The following NRXN3 variants were observed in gnomAD, a reference collection of about 807,000 sequenced individuals.
NRXN3 encodes the protein neurexin III.
Under a neutral mutation model 137.6 loss-of-function variants are expected in NRXN3, and 32 were observed. That is an observed-to-expected ratio of 0.23 (90% CI 0.18 to 0.31). NRXN3 has a LOEUF of 0.31. Among genes scored for constraint, NRXN3 ranks in the 10% least tolerant of loss-of-function variants. The probability of loss-of-function intolerance (pLI) is 1.00; values close to 1 mark genes in which losing one functional copy is unlikely to be tolerated. For synonymous variants in NRXN3, 798 were observed against 784.5 expected (o/e 1.02, Z -0.29); for missense variants, 1,574 against 2,062.5 (o/e 0.76, Z 4.59).
chr14:79,704,934 A>G (rs1348239417), intron 19 of NRXN3, among the ~76,000 whole-genome samples: 1 of 152,136 alleles, frequency 6.6e-6, no homozygotes, highest in African/African-American at 2.4e-5. Flanking sequence ...GGCAAGTGAA[A>G]AGAGTGCAGT....
chr14:78,392,603 G>A (rs2090918042), intron 4 of NRXN3, among the ~76,000 whole-genome samples: 1 of 152,118 alleles, frequency 6.6e-6, no homozygotes, highest in Non-Finnish European at 1.5e-5. Context: ...AAATGAGGAT[G>A]ATAATAGCAT....
At chr14:79,435,377 T>C (rs1349388344) in intron 15 of NRXN3, among the ~76,000 whole-genome samples, 1 of 151,752 alleles carries the variant, frequency 6.6e-6, no homozygotes, top group African/African-American at 2.4e-5. Context: ...TGCCAGAGAT[T>C]GCTAAATAGG....
intron 6 of NRXN3, among the ~76,000 whole-genome samples, chr14:78,652,418 C>G: frequency 6.6e-6 from 1 of 152,212 alleles, no homozygotes; most frequent in East Asian, 1.9e-4. Flanking sequence ...AAGAATCAGA[C>G]TAAATTTGGT....
At chr14:78,416,879 A>G (rs778923565) in intron 4 of NRXN3, among the ~76,000 whole-genome samples, 2 of 152,232 alleles carry the variant, frequency 1.3e-5, no homozygotes, top group Non-Finnish European at 2.9e-5. Flanking sequence ...ATTTGGGTCA[A>G]TGTGAACTAG....
intron 16 of NRXN3, among the ~76,000 whole-genome samples, chr14:79,622,142 T>C (rs899810225): frequency 1.3e-5 from 2 of 152,146 alleles, no homozygotes; most frequent in Non-Finnish European, 2.9e-5. Context: ...TTTTGGGTTA[T>C]GGTTTAGCTC....
At chr14:79,183,243 A>C (rs756017526) in intron 15 of NRXN3, among the ~76,000 whole-genome samples, 1 of 152,152 alleles carries the variant, frequency 6.6e-6, no homozygotes, top group Non-Finnish European at 1.5e-5. Context: ...GCTCTGCTTG[A>C]AGCAGTAGCT....
At chr14:79,624,065 C>T (rs969251409) in intron 16 of NRXN3, among the ~76,000 whole-genome samples, 58 of 152,180 alleles carry the variant, frequency 3.8e-4, no homozygotes, top group African/African-American at 1.4e-3. Flanking sequence ...TAAAGACTGC[C>T]TTTGGTTGAC....
chr14:78,801,300 G>A (rs1462848359), intron 8 of NRXN3, among the ~76,000 whole-genome samples: 1 of 152,190 alleles, frequency 6.6e-6, no homozygotes, highest in Non-Finnish European at 1.5e-5. Flanking sequence ...CAGCCTGGAT[G>A]ACAGAGTGAG....
intron 4 of NRXN3, among the ~76,000 whole-genome samples, chr14:78,562,522 T>C (rs2096796816): frequency 2.0e-5 from 3 of 151,240 alleles, no homozygotes; most frequent in Non-Finnish European, 4.4e-5. Context: ...GTAATGTGAC[T>C]ACCAAAAAAT....
At chr14:78,386,770 A>G (rs537669621) in intron 4 of NRXN3, among the ~76,000 whole-genome samples, 7 of 151,924 alleles carry the variant, frequency 4.6e-5, no homozygotes, top group Admixed American at 3.9e-4. Flanking sequence ...GTTATAGTTT[A>G]TATTGTTTCT....
chr14:78,415,588 G>A (rs545815062), intron 4 of NRXN3, among the ~76,000 whole-genome samples: 1 of 152,104 alleles, frequency 6.6e-6, no homozygotes, highest in Non-Finnish European at 1.5e-5. Context: ...GTCTAACCCA[G>A]ATTCTTACAT....
intron 1 of NRXN3, among the ~76,000 whole-genome samples, chr14:78,170,952 C>CTTTTTTTT (rs545853025): frequency 1.6e-5 from 2 of 126,210 alleles, no homozygotes; most frequent in Admixed American, 8.0e-5. Flanking sequence ...TCTTCTTCTT[C>CTTTTTTTT]TTTTTTTTTT....
chr14:79,147,302 A>G (rs76382106), intron 15 of NRXN3, among the ~76,000 whole-genome samples: 136 of 152,230 alleles, frequency 8.9e-4, no homozygotes, highest in Admixed American at 1.8e-3. Context: ...GGTAATTTCT[A>G]TGTAAATTTT....
At chr14:78,207,671 T>C (rs2062342147) in intron 1 of NRXN3, among the ~76,000 whole-genome samples, 1 of 151,792 alleles carries the variant, frequency 6.6e-6, no homozygotes, top group African/African-American at 2.4e-5. Flanking sequence ...GCTGGAAAGG[T>C]GGAAGCCAAT....
intron 15 of NRXN3, among the ~76,000 whole-genome samples, chr14:79,415,787 G>A (rs895837903): frequency 3.9e-5 from 6 of 151,978 alleles, no homozygotes; most frequent in Non-Finnish European, 8.8e-5. Flanking sequence ...TCTTGAAGTG[G>A]CCAATCACCC....
chr14:78,280,350 CAG>C (rs902970970), intron 3 of NRXN3, among the ~76,000 whole-genome samples: 7 of 152,032 alleles, frequency 4.6e-5, no homozygotes, highest in Admixed American at 1.3e-4. Flanking sequence ...TGTATAGTAT[CAG>C]GGGGTGGATG....
chr14:78,815,301 G>T (rs928456093), intron 10 of NRXN3, among the ~76,000 whole-genome samples: 6 of 152,044 alleles, frequency 3.9e-5, no homozygotes, highest in Non-Finnish European at 5.9e-5. Flanking sequence ...TAGCTTTGAT[G>T]ATCTTGTGTA....
At chr14:79,804,938 C>T (rs2099198017) in intron 19 of NRXN3, among the ~76,000 whole-genome samples, 174 bp from the exon 20 acceptor site, 1 of 152,198 alleles carries the variant, frequency 6.6e-6, no homozygotes, top group Non-Finnish European at 1.5e-5. Context: ...CATTCTCAGT[C>T]ACACAGTAGT....
intron 15 of NRXN3, among the ~76,000 whole-genome samples, chr14:79,306,554 G>T (rs888992417): frequency 6.6e-6 from 1 of 152,056 alleles, no homozygotes; most frequent in Non-Finnish European, 1.5e-5. Flanking sequence ...TTGTTTGCTT[G>T]ACTGTTTTTA....
Sources: allele counts gnomAD v4.1 joint callset (sites outside exome capture counted in the v4.1 genomes callset), GRCh38; gene constraint gnomAD v4.1.1; transcripts MANE v1.5; gene names NCBI Gene and HGNC (gene_info 2026-07-23, HGNC 2026-07-21).